The following KCMF1 variants were observed in gnomAD, a reference collection of about 807,000 sequenced individuals.
KCMF1 encodes E3 ubiquitin-protein ligase KCMF1.
In KCMF1, 3 loss-of-function variants were observed where a neutral mutation model predicts 41.1. That is an observed-to-expected ratio of 0.07 (90% CI 0.03 to 0.19). The LOEUF (loss-of-function observed/expected upper bound fraction) is 0.19, where lower values mean the gene tolerates loss of function less well. KCMF1 is among the 10% of genes least tolerant of loss of function. KCMF1 has a pLI of 1.00. For synonymous variants in KCMF1, 142 were observed against 164.5 expected, an observed-to-expected ratio of 0.86 and a Z score of 1.04; for missense variants, 286 against 488.9, an observed-to-expected ratio of 0.58 and a Z score of 3.91.
intron 1 of KCMF1, among the ~76,000 whole-genome samples, chr2:84,992,936 A>G (rs1674079214): frequency 6.6e-6 from 1 of 152,168 alleles, no homozygotes; most frequent in South Asian, 2.1e-4. Flanking sequence ...GGCTCAGTGT[A>G]TAATCCCAGC....
intron 1 of KCMF1, among the ~76,000 whole-genome samples, chr2:84,998,992 A>G (rs185699438): frequency 0.013 from 1,658 of 131,342 alleles, 21 homozygotes; most frequent in South Asian, 0.051. Context: ...CTACCTACCT[A>G]TCTGTCCACC....
At chr2:84,993,401 G>C (rs1674094592) in intron 1 of KCMF1, among the ~76,000 whole-genome samples, 1 of 152,000 alleles carries the variant, frequency 6.6e-6, no homozygotes, top group South Asian at 2.1e-4. Context: ...ATACAGAGAA[G>C]ATCACCGAGG....
intron 4 of KCMF1, among the ~76,000 whole-genome samples, chr2:85,044,927 G>C (rs932921825): frequency 6.6e-6 from 1 of 152,210 alleles, no homozygotes; most frequent in African/African-American, 2.4e-5. Flanking sequence ...CAATGCTTCT[G>C]ATTTCAGGTT....
At chr2:85,046,043 C>A in intron 4 of KCMF1, 61 bp from the exon 5 acceptor site, 1 of 1,365,322 alleles carries the variant, frequency 7.3e-7, no homozygotes, top group Non-Finnish European at 1.0e-6. Flanking sequence ...CTAGCAAGGA[C>A]TCAGGTGATT....
chr2:85,008,050 A>G (rs1021583602), intron 1 of KCMF1, among the ~76,000 whole-genome samples: 1 of 151,834 alleles, frequency 6.6e-6, no homozygotes, highest in Non-Finnish European at 1.5e-5. Flanking sequence ...GGCGTGAGCC[A>G]CCGTGCCCAG....
Position 85,053,485 on chromosome 2 carries a change from G to T in KCMF1, c.*76G>T. Reference sequence around the variant, plus strand: ...AGTGGACAACAACTATCTTGGGTTTGTTTGGTGATTGTAATTTCAGGTCTG... The same window carrying T: ...AGTGGACAACAACTATCTTGGGTTTTTTTGGTGATTGTAATTTCAGGTCTG... On this transcript the variant is annotated 3_prime_UTR_variant, in exon 7 of 7. Coordinates refer to ENST00000409785, the MANE Select transcript of KCMF1 (RefSeq NM_020122.5). 7 of 1,427,008 alleles carry T rather than the reference G, an allele frequency of 4.9e-6. No individual in the cohort carries two copies. In the Middle Eastern group the frequency reaches 6.4e-4, roughly 130 times the overall value. 88.4% of individuals were successfully genotyped at this position (1,427,008 alleles called of 1,614,324 possible). A position where few individuals can be genotyped will look rare whatever the true frequency, so the allele number is the denominator to read the frequency against.
chr2:85,024,580 G>A (rs1675040349), intron 1 of KCMF1, among the ~76,000 whole-genome samples: 2 of 135,112 alleles, frequency 1.5e-5, no homozygotes, highest in African/African-American at 5.4e-5. Context: ...GAGAGAGAGA[G>A]AGAGTGTGTG....
rs147719935 is a variant in KCMF1 at position 85,049,262 on chromosome 2, C to G, written c.602-104C>G. The stretch of plus-strand genomic sequence containing the variant: ...ACTGTGTGCTGTGGTGGTTACCTAC[C>G]TGTTCACAATGCTTTTGATGTTGTT... On this transcript the variant is annotated intron_variant, in intron 5 of 6. Transcript: ENST00000409785. The G allele has an allele frequency of 4.3e-6, 5 of 1,171,250 alleles. No individual in the cohort carries two copies. In the African/African-American group the frequency reaches 6.1e-5, roughly 14 times the overall value. The allele number at this position is 1,171,250 out of a possible 1,614,324, so 72.6% of individuals were successfully genotyped here.
At position 85,059,168 on chromosome 2, in the gene KCMF1, A is replaced by T. The variant is rs1038868037; in HGVS notation, c.*5759A>T. 1 of 152,208 alleles carries T rather than the reference A, an allele frequency of 6.6e-6. No individual in the cohort carries two copies. Among genetic ancestry groups the T allele is most frequent in the African/African-American group, 2.4e-5 (1 of 41,460 alleles). 9.4% of individuals were successfully genotyped at this position (152,208 alleles called of 1,614,324 possible). A position where few individuals can be genotyped will look rare whatever the true frequency, so the allele number is the denominator to read the frequency against. ...TTAATTTTGCCCACGAGAACCTTTC[A>T]TGACAATTAACAAGACACTAGTTTC... On this transcript the variant is annotated 3_prime_UTR_variant, in exon 7 of 7. Coordinates refer to ENST00000409785, the MANE Select transcript of KCMF1 (RefSeq NM_020122.5).
rs765277890 is a variant in KCMF1 at position 85,054,671 on chromosome 2, G to C, written c.*1262G>C. Reference sequence around the variant, plus strand: ...ACAATAGCTCCAAGGCAGGGACAGCGGGTTTGGGGGTTGGGAGGGCAGTTT... The same window carrying C: ...ACAATAGCTCCAAGGCAGGGACAGCCGGTTTGGGGGTTGGGAGGGCAGTTT... On this transcript the variant is annotated 3_prime_UTR_variant, in exon 7 of 7. Transcript: ENST00000409785. 1 of 152,128 alleles carries C rather than the reference G, an allele frequency of 6.6e-6. No individual in the cohort carries two copies. Among genetic ancestry groups the C allele is most frequent in the Admixed American group, 6.6e-5 (1 of 15,266 alleles). 9.4% of individuals were successfully genotyped at this position (152,128 alleles called of 1,614,324 possible).
chr2:85,004,848 T>G (rs1201958341), intron 1 of KCMF1, among the ~76,000 whole-genome samples: 1 of 152,132 alleles, frequency 6.6e-6, no homozygotes, highest in Non-Finnish European at 1.5e-5. Flanking sequence ...TATTTATTTA[T>G]TTTTGAGATG....
At chr2:84,983,445 A>G (rs550396660) in intron 1 of KCMF1, among the ~76,000 whole-genome samples, 45 of 152,028 alleles carry the variant, frequency 3.0e-4, no homozygotes, top group South Asian at 1.5e-3. Context: ...TCATACCTCA[A>G]TCTCCTGAGT....
chr2:85,018,041 G>T (rs1454641202), intron 1 of KCMF1, among the ~76,000 whole-genome samples: 3 of 152,088 alleles, frequency 2.0e-5, no homozygotes, highest in Non-Finnish European at 4.4e-5. Context: ...CAGATAGGTG[G>T]TTGTCAGATA....
chr2:85,015,271 T>C (rs77631918), intron 1 of KCMF1, among the ~76,000 whole-genome samples: 2,326 of 152,208 alleles, frequency 0.015, 30 homozygotes, highest in South Asian at 0.063. Context: ...CTTCTTTTCA[T>C]TTGCTTAATT....
rs540667091 is a variant in KCMF1 at position 84,971,278 on chromosome 2, C to CCCGCCG, written c.-154_-149dup. 1,608 of 160,550 alleles carry CCCGCCG rather than the reference C, an allele frequency of 0.01. 14 individuals carry two copies. Among genetic ancestry groups the CCCGCCG allele is most frequent in the Non-Finnish European group, 0.014 (1,120 of 78,270 alleles). The allele number at this position is 160,550 out of a possible 1,614,324, so 9.9% of individuals were successfully genotyped here. On this transcript the variant is annotated 5_prime_UTR_variant, in exon 1 of 7. Coordinates refer to ENST00000409785, the MANE Select transcript of KCMF1 (RefSeq NM_020122.5). ...CCCCATTCCCGCCCCGCGCCGCCTC[C>CCCGCCG]CCGCCGCCGCCGCCGCCGCCGCCGC...
intron 4 of KCMF1, among the ~76,000 whole-genome samples, chr2:85,045,267 CATA>C (rs1675636379): frequency 6.6e-6 from 1 of 150,616 alleles, no homozygotes; most frequent in East Asian, 2.0e-4. Context: ...TATATATAAT[CATA>C]ATATAAAATT....
chr2:85,008,291 T>TCATATATAATATATAATATA (rs1553379312), intron 1 of KCMF1, among the ~76,000 whole-genome samples: 1 of 14,624 alleles, frequency 6.8e-5, no homozygotes, highest in African/African-American at 1.5e-4. Context: ...TGATATATAA[T>TCATATATAATATATAATATA]ATATATAATA....
chr2:85,033,424 G>A (rs551240996), intron 2 of KCMF1, among the ~76,000 whole-genome samples: 112 of 152,180 alleles, frequency 7.4e-4, no homozygotes, highest in Non-Finnish European at 1.5e-3. Context: ...AAAGGAAAGG[G>A]GTCTATTTAG....
Position 85,035,024 on chromosome 2 carries a change from T to C in KCMF1, c.193T>C (p.Tyr65His). The stretch of plus-strand genomic sequence containing the variant: ...TCTACCTTATTTTTCAGATTTATAC[T>C]ATGGTGGGGAAGCTTTCTCTGTAGA... ...ILTRVDFDLY[Y>H]GGEAFSVEQP... The change falls in exon 3 of 7, where the codon TAT becomes CAT. Residue 65 changes from tyrosine to histidine, a missense_variant. Tyr to His is a moderately conservative substitution (Grantham distance 83). This residue lies in a region of KCMF1 where 95 missense variants were observed against 209.6 expected (regional missense o/e 0.45). Transcript: ENST00000409785. 1.2e-6 allele frequency: 2 copies of C among 1,609,956 alleles called. No homozygotes were observed. Among genetic ancestry groups the C allele is most frequent in the Non-Finnish European group, 1.7e-6 (2 of 1,177,570 alleles).
Sources: gnomAD v4.1 joint callset for allele counts (sites outside exome capture counted in the v4.1 genomes callset) on GRCh38, gnomAD v4.1.1 for gene constraint, gnomAD v4.1.1 regional missense constraint, MANE v1.5 for transcripts, NCBI Gene and HGNC (gene_info 2026-07-23, HGNC 2026-07-21) for gene names.